LIPC: variants seen among roughly 807,000 people sequenced by gnomAD.
LIPC encodes lipase C, hepatic type.
In LIPC, 44 loss-of-function variants were observed where a neutral mutation model predicts 50.7. That is an observed-to-expected ratio of 0.87 (90% CI 0.68 to 1.11). The LOEUF is 1.11. Ranked by LOEUF, LIPC falls within the 50% of genes most tolerant of loss-of-function variation. The pLI is 0.00. For synonymous variants in LIPC, 271 were observed against 256.4 expected, an observed-to-expected ratio of 1.06 and a Z score of -0.54; for missense variants, 697 against 648.2, an observed-to-expected ratio of 1.08 and a Z score of -0.82.
chr15:58,482,701 C>T (rs1419354535), intron 1 of LIPC, among the ~76,000 whole-genome samples: 1 of 152,164 alleles, frequency 6.6e-6, no homozygotes, highest in Non-Finnish European at 1.5e-5. Flanking sequence ...TCCCCCTAAT[C>T]CCCTGAGAAG....
intron 6 of LIPC, among the ~76,000 whole-genome samples, chr15:58,553,780 G>C (rs754771218): frequency 5.9e-5 from 9 of 152,154 alleles, no homozygotes; most frequent in Non-Finnish European, 1.3e-4. Context: ...CGCCTGCTCT[G>C]AGTTAATTCA....
chr15:58,455,742 C>T (rs1894086136), intron 1 of LIPC, among the ~76,000 whole-genome samples: 1 of 151,938 alleles, frequency 6.6e-6, no homozygotes, highest in Admixed American at 6.6e-5. Context: ...TTGGAGTTTA[C>T]AATAAAGAAT....
At chr15:58,450,074 G>A (rs1046928715) in intron 1 of LIPC, among the ~76,000 whole-genome samples, 3 of 152,146 alleles carry the variant, frequency 2.0e-5, no homozygotes, top group Non-Finnish European at 4.4e-5. Flanking sequence ...CCTGTCTTAT[G>A]GGGTGACACC....
intron 1 of LIPC, among the ~76,000 whole-genome samples, chr15:58,501,628 A>C (rs1346311687): frequency 6.6e-6 from 1 of 152,176 alleles, no homozygotes; most frequent in Non-Finnish European, 1.5e-5. Flanking sequence ...GATTGGGCCT[A>C]ATCACAAGGA....
chr15:58,483,439 C>A (rs370703037), intron 1 of LIPC, among the ~76,000 whole-genome samples: 2 of 152,134 alleles, frequency 1.3e-5, no homozygotes, highest in African/African-American at 4.8e-5. Flanking sequence ...GTGATTCCTA[C>A]GATCCTGAGG....
intron 8 of LIPC, among the ~76,000 whole-genome samples, chr15:58,564,182 G>A (rs891746715): frequency 1.2e-4 from 13 of 105,136 alleles, no homozygotes; most frequent in African/African-American, 2.5e-4. Flanking sequence ...CTCTGTGGTC[G>A]TATCTTTCAA....
At chr15:58,560,539 TG>T (rs1894124635) in intron 6 of LIPC, among the ~76,000 whole-genome samples, 1 of 152,170 alleles carries the variant, frequency 6.6e-6, no homozygotes, top group Admixed American at 6.6e-5. Context: ...ACCAAACACA[TG>T]AAATATTACA....
At chr15:58,516,604 T>A (rs780759609) in intron 1 of LIPC, among the ~76,000 whole-genome samples, 3 of 152,230 alleles carry the variant, frequency 2.0e-5, no homozygotes, top group Non-Finnish European at 4.4e-5. Flanking sequence ...CAATGTGTAA[T>A]CTGTTATTCA....
intron 1 of LIPC, among the ~76,000 whole-genome samples, chr15:58,438,077 A>C (rs1566906388): frequency 6.6e-6 from 1 of 152,118 alleles, no homozygotes; most frequent in Non-Finnish European, 1.5e-5. Flanking sequence ...CTGTAAGCTG[A>C]CCCGAAAACA....
At chr15:58,505,191 G>A (rs1295834050) in intron 1 of LIPC, among the ~76,000 whole-genome samples, 3 of 152,204 alleles carry the variant, frequency 2.0e-5, no homozygotes, top group African/African-American at 2.4e-5. Flanking sequence ...CTCTACAGCC[G>A]GCCATCAGGG....
At chr15:58,494,737 T>C (rs1265999843) in intron 1 of LIPC, 1 of 455,692 alleles carries the variant, frequency 2.2e-6, no homozygotes, top group East Asian at 6.9e-5. Context: ...ATCTCTTTAA[T>C]GACCTGTTAA....
In LIPC at chr15:58,568,757, GC is replaced by G; in HGVS notation, c.1433del (p.Pro478GlnfsTer8). ...CSENTDDLLLRPTQEKIFVKC... is the reference protein window; with the variant it reads ...CSENTDDLLLXPTQEKIFVKC... ...GAAAACACAGATGACCTACTACTTC[GC>G]CCAACCCAGGAAAAAATCTTCGTGA... On this transcript the variant is annotated frameshift_variant, in exon 9 of 9. Transcript: ENST00000299022. LOFTEE classifies it high-confidence loss of function. 3 of 1,611,520 alleles carry G rather than the reference GC, an allele frequency of 1.9e-6. No individual in the cohort carries two copies.
rs141902570 is a variant in LIPC, at chr15:58,554,287, C to T, written c.1051+5715C>T. ...TAAATGGAGTTTCCCTGATCACATT[C>T]GAGGTCAATGGACTATTTCATGCCT... On this transcript the variant is annotated intron_variant, in intron 6 of 8. Transcript: ENST00000299022. 1.7e-3 allele frequency among the ~76,000 whole-genome samples: 257 copies of T among 152,242 alleles called. 1 individual carries two copies. Among genetic ancestry groups the T allele is most frequent in the African/African-American group, 3.9e-3 (160 of 41,534 alleles).
At chr15:58,436,317 A>T (rs976126179) in intron 1 of LIPC, 2 of 162,488 alleles carry the variant, frequency 1.2e-5, no homozygotes, top group African/African-American at 4.8e-5. Flanking sequence ...GAATTATTTC[A>T]ATTCTCTCAT....
In LIPC at chr15:58,543,753, T is replaced by C. The variant is rs181792698; in HGVS notation, c.574+1102T>C. 6.6e-5 allele frequency among the ~76,000 whole-genome samples: 10 copies of C among 152,156 alleles called. No homozygotes were observed. In the East Asian group the frequency reaches 1.7e-3, roughly 27 times the overall value. Reference sequence around the variant, plus strand: ...CCGGGTTCAAGCGATTCTCCTGCCTTAGCCTCCCGAGTAGCTAAGCCACAC... The same window carrying C: ...CCGGGTTCAAGCGATTCTCCTGCCTCAGCCTCCCGAGTAGCTAAGCCACAC... On this transcript the variant is annotated intron_variant, in intron 4 of 8. Transcript: ENST00000299022.
intron 1 of LIPC, among the ~76,000 whole-genome samples, chr15:58,448,853 T>G (rs1360908772): frequency 2.0e-5 from 3 of 152,228 alleles, no homozygotes; most frequent in Admixed American, 6.5e-5. Context: ...CTAAAATACC[T>G]TTTTCAAATG....
chr15:58,557,821 A>G (rs186276288), intron 6 of LIPC, among the ~76,000 whole-genome samples: 1 of 152,212 alleles, frequency 6.6e-6, no homozygotes. Context: ...TACCCTGACT[A>G]TTCATAAGGA....
chr15:58,525,307 T>C (rs1300229350), intron 1 of LIPC, among the ~76,000 whole-genome samples: 1 of 152,370 alleles, frequency 6.6e-6, no homozygotes, highest in Admixed American at 6.5e-5. Flanking sequence ...TGCTTCTTTA[T>C]CCAAGCTCCT....
At chr15:58,461,839 C>T (rs538884581) in intron 1 of LIPC, among the ~76,000 whole-genome samples, 1 of 152,104 alleles carries the variant, frequency 6.6e-6, no homozygotes, top group African/African-American at 2.4e-5. Flanking sequence ...TGTCTCCCCC[C>T]GGTTCCGATT....
Sources: gnomAD v4.1 joint callset for allele counts (sites outside exome capture counted in the v4.1 genomes callset) on GRCh38, gnomAD v4.1.1 for gene constraint, MANE v1.5 for transcripts, NCBI Gene and HGNC (gene_info 2026-07-23, HGNC 2026-07-21) for gene names.